The following PRDM2 variants were observed in gnomAD, a reference collection of about 807,000 sequenced individuals.
PRDM2 encodes the protein PR/SET domain 2, also known as PR domain zinc finger protein 2.
PRDM2 carries 30 observed loss-of-function variants against 130.0 expected under a neutral mutation model. The observed-to-expected ratio is 0.23, with a 90% CI of 0.17 to 0.31. The LOEUF (loss-of-function observed/expected upper bound fraction) is 0.31. Among genes scored for constraint, PRDM2 ranks in the 10% least tolerant of loss-of-function variants. The pLI is 1.00. For synonymous variants in PRDM2, 871 were observed against 782.4 expected (o/e 1.11, Z -1.89); for missense variants, 2,011 against 2,108.4 (o/e 0.95, Z 0.90).
intron 6 of PRDM2, among the ~76,000 whole-genome samples, chr1:13,766,279 G>A (rs981996905): frequency 1.3e-5 from 2 of 152,146 alleles, no homozygotes; most frequent in African/African-American, 2.4e-5. Flanking sequence ...GCCCTCTTAT[G>A]TAGGGGCAGG....
At position 13,779,529 on chromosome 1, in the gene PRDM2, C is replaced by T. The variant is rs1644558196; in HGVS notation, c.1734C>T (p.Asn578=). The change falls in exon 8 of 10, where the codon AAC becomes AAT. Residue 578 remains asparagine (N), a synonymous_variant. Coordinates refer to ENST00000311066, the MANE Select transcript of PRDM2 (RefSeq NM_001393986.1). This position sits in a 1 kb window ranked among gnomAD's most constrained non-coding sequence, Gnocchi z 4.9. The stretch of plus-strand genomic sequence containing the variant: ...TTGATGGTAAAATTCAAACTAATAA[C>T]AACACTAGTAACTGTGATGTGATTG... ...YYIDGKIQTN[N]NTSNCDVIEM... The T allele has an allele frequency of 6.2e-7, 1 of 1,613,734 alleles. No homozygotes were observed. Among genetic ancestry groups the T allele is most frequent in the Non-Finnish European group, 8.5e-7 (1 of 1,179,752 alleles).
At chr1:13,702,595 C>T (rs572136534) in intron 1 of PRDM2, among the ~76,000 whole-genome samples, 1 of 152,220 alleles carries the variant, frequency 6.6e-6, no homozygotes, top group South Asian at 2.1e-4. Flanking sequence ...CATATATCTG[C>T]GCCTATTCTT....
At chr1:13,817,899 C>T (rs1645282877) in intron 9 of PRDM2, among the ~76,000 whole-genome samples, 2 of 152,128 alleles carry the variant, frequency 1.3e-5, no homozygotes, top group South Asian at 4.2e-4. Context: ...ACTCAGGAGG[C>T]TGAGACAGGA....
Position 13,779,134 on chromosome 1 carries a change from A to C in PRDM2, c.1339A>C (p.Ser447Arg). Reference sequence around the variant, plus strand: ...AAACGTTGCTTCAAAAGATGATTCGAGTCCTCCCAGTCTTGGGCCAGACTG... The same window carrying C: ...AAACGTTGCTTCAAAAGATGATTCGCGTCCTCCCAGTCTTGGGCCAGACTG... Reference protein sequence around the residue: ...GENVASKDDSSPPSLGPDCLI... With the variant: ...GENVASKDDSRPPSLGPDCLI... The change falls in exon 8 of 10, where the codon AGT becomes CGT. Residue 447 changes from serine to arginine, a missense_variant. Around this residue, in one of 5 missense-constraint regions of PRDM2, gnomAD observed 1,288 missense variants for 1,237.7 expected, o/e 1.04. Transcript: ENST00000311066. This position sits in a 1 kb window ranked among gnomAD's most constrained non-coding sequence, Gnocchi z 4.9. The C allele has an allele frequency of 6.2e-7, 1 of 1,614,192 alleles. No homozygotes were observed. Among genetic ancestry groups the C allele is most frequent in the South Asian group, 1.1e-5 (1 of 91,082 alleles).
chr1:13,815,450 A>G (rs917260884), intron 8 of PRDM2, among the ~76,000 whole-genome samples: 4 of 152,152 alleles, frequency 2.6e-5, no homozygotes, highest in Admixed American at 6.5e-5. Context: ...GGGATGCAAC[A>G]ATGAACAGGA....
chr1:13,791,835 T>C (rs1212805399), intron 8 of PRDM2, among the ~76,000 whole-genome samples: 1 of 152,256 alleles, frequency 6.6e-6, no homozygotes, highest in Non-Finnish European at 1.5e-5. Flanking sequence ...GATTTGCACA[T>C]GCCTGCATTT....
At chr1:13,735,883 A>T (rs1013007704) in intron 4 of PRDM2, among the ~76,000 whole-genome samples, 2 of 152,180 alleles carry the variant, frequency 1.3e-5, no homozygotes, top group Non-Finnish European at 2.9e-5. Context: ...AACTCCTATC[A>T]TCCAGGCGCA....
At chr1:13,813,349 G>C (rs907382741) in intron 8 of PRDM2, among the ~76,000 whole-genome samples, 6 of 152,234 alleles carry the variant, frequency 3.9e-5, no homozygotes, top group Admixed American at 3.9e-4. Flanking sequence ...TTAACATCTC[G>C]GGGTTGGGGG....
chr1:13,816,796 C>T (rs1419926466), intron 9 of PRDM2, among the ~76,000 whole-genome samples: 1 of 152,188 alleles, frequency 6.6e-6, no homozygotes, highest in Non-Finnish European at 1.5e-5. Flanking sequence ...GAACTTCAAG[C>T]AAGTTACTTA....
In PRDM2 at chr1:13,778,641, AGAT is replaced by A. The variant is rs369010172; in HGVS notation, c.861_863del (p.Asp287del). ...AGGAGGAGGATGAAGAAGAAGAAGA[AGAT>A]GATGATGATGATGAGTTGGAAGACG... is the stretch of plus-strand genomic sequence containing the variant. On this transcript the variant is annotated inframe_deletion, in exon 8 of 10. Coordinates refer to ENST00000311066, the MANE Select transcript of PRDM2 (RefSeq NM_001393986.1). 761 of 1,538,122 alleles carry A rather than the reference AGAT, an allele frequency of 4.9e-4. 1 individual carries two copies. Among genetic ancestry groups the A allele is most frequent in the African/African-American group, 4.4e-3 (324 of 73,610 alleles).
chr1:13,737,922 C>G (rs1159039863), intron 4 of PRDM2, among the ~76,000 whole-genome samples: 1 of 152,094 alleles, frequency 6.6e-6, no homozygotes, highest in Non-Finnish European at 1.5e-5. Flanking sequence ...GGTAATACCT[C>G]ATGGAAATTT....
Position 13,782,933 on chromosome 1 carries a change from C to A in PRDM2, c.5036+102C>A, listed in dbSNP as rs61775112. The A allele has an allele frequency of 5.8e-6, 9 of 1,559,680 alleles. No individual in the cohort carries two copies. In the Admixed American group the frequency reaches 1.5e-4, roughly 25 times the overall value. ...TGTTGCTTTTTTTTTTTTTTTTCCC[C>A]ACTTAAAGGAAATAGCTGTTGTATA... On this transcript the variant is annotated intron_variant, in intron 8 of 9. Coordinates refer to ENST00000311066, the MANE Select transcript of PRDM2 (RefSeq NM_001393986.1).
chr1:13,793,702 C>T (rs891072607), intron 8 of PRDM2, among the ~76,000 whole-genome samples: 12 of 152,108 alleles, frequency 7.9e-5, no homozygotes, highest in Non-Finnish European at 1.0e-4. Flanking sequence ...AATTGAGTCC[C>T]GGCTCATGGA....
intron 2 of PRDM2, among the ~76,000 whole-genome samples, chr1:13,718,545 C>A (rs1642620278): frequency 1.3e-5 from 2 of 152,136 alleles, no homozygotes; most frequent in African/African-American, 2.4e-5. Flanking sequence ...CCCTCTGAGC[C>A]CAGCTCTCAC....
chr1:13,722,623 C>T (rs144384040), intron 2 of PRDM2, among the ~76,000 whole-genome samples: 422 of 152,208 alleles, frequency 2.8e-3, no homozygotes, highest in Non-Finnish European at 4.9e-3. Context: ...CTCAGTCTCA[C>T]CAGTAACAGC....
chr1:13,742,907 A>G (rs747309814), intron 5 of PRDM2, among the ~76,000 whole-genome samples: 4 of 152,220 alleles, frequency 2.6e-5, no homozygotes, highest in Admixed American at 6.5e-5. Flanking sequence ...ATTGAACAGA[A>G]CATGTTTCTT....
chr1:13,732,810 CA>C lies in PRDM2; in HGVS notation c.165del (p.Lys55AsnfsTer48). On this transcript the variant is annotated frameshift_variant, in exon 4 of 10. Coordinates refer to ENST00000311066, the MANE Select transcript of PRDM2 (RefSeq NM_001393986.1). LOFTEE classifies it high-confidence loss of function. ...VWATKPILKG[K>X]KFGPFVGDKK... ...GGGCCACTAAACCAATTTTAAAAGG[CA>C]AAAAATTTGGGCCATTTGTTGGTGA... 1 of 1,607,002 alleles carries C rather than the reference CA, an allele frequency of 6.2e-7. No homozygotes were observed. Among genetic ancestry groups the C allele is most frequent in the Non-Finnish European group, 8.5e-7 (1 of 1,176,928 alleles).
chr1:13,740,975 T>C (rs1181323082), intron 4 of PRDM2, among the ~76,000 whole-genome samples: 2 of 152,144 alleles, frequency 1.3e-5, no homozygotes, highest in African/African-American at 2.4e-5. Context: ...GTGGGAATAA[T>C]GAGAAAGAAA....
chr1:13,722,746 C>T, intron 2 of PRDM2: 3 of 457,668 alleles, frequency 6.6e-6, no homozygotes, highest in Non-Finnish European at 1.3e-5. Context: ...GGGATGAGCC[C>T]TCAGGTGACT....
Sources: allele counts gnomAD v4.1 joint callset (sites outside exome capture counted in the v4.1 genomes callset), GRCh38; gene constraint gnomAD v4.1.1; regional missense constraint gnomAD v4.1.1; non-coding constraint Gnocchi (gnomAD v3.1); transcripts MANE v1.5; gene names NCBI Gene and HGNC (gene_info 2026-07-23, HGNC 2026-07-21).